The following EZH2 variants were observed in gnomAD, a reference collection of about 807,000 sequenced individuals.
EZH2 encodes the protein histone-lysine N-methyltransferase EZH2.
EZH2 carries 18 observed loss-of-function variants against 98.4 expected under a neutral mutation model. That is an observed-to-expected ratio of 0.18 (90% CI 0.13 to 0.27). The LOEUF is 0.27. Among genes scored for constraint, EZH2 ranks in the 10% least tolerant of loss-of-function variants. The probability of loss-of-function intolerance (pLI) is 1.00; values close to 1 mark genes in which losing one functional copy is unlikely to be tolerated. For synonymous variants in EZH2, 338 were observed against 312.3 expected (o/e 1.08, Z -0.87); for missense variants, 470 against 935.1 (o/e 0.50, Z 6.49).
At chr7:148,868,610 C>T (rs1369956580) in intron 1 of EZH2, among the ~76,000 whole-genome samples, 1 of 152,030 alleles carries the variant, frequency 6.6e-6, no homozygotes, top group Non-Finnish European at 1.5e-5. Context: ...ACTATATCAC[C>T]CTAGAACTTC....
Position 148,810,417 on chromosome 7 carries a change from A to G in EZH2, c.1948-3T>C, listed in dbSNP as rs753801515. ...TCAGCTTCATCTTGAGAAATAATCT[A>G]AAAAGAAAGACACAGGAGAAAATTC... On this transcript the variant is annotated splice_polypyrimidine_tract_variant and splice_region_variant and intron_variant, in intron 16 of 19. Transcript: ENST00000320356. 12 of 1,602,082 alleles carry G rather than the reference A, an allele frequency of 7.5e-6. No individual in the cohort carries two copies. Among genetic ancestry groups the G allele is most frequent in the Non-Finnish European group, 1.7e-6 (2 of 1,169,772 alleles).
At chr7:148,821,059 T>C (rs1805913876) in intron 8 of EZH2, 1 of 152,146 alleles carries the variant, frequency 6.6e-6, no homozygotes. Context: ...TTCTGGTTTT[T>C]ATCAGAAAGC....
chr7:148,818,953 A>C (rs1203383474), intron 9 of EZH2: 24 of 434,812 alleles, frequency 5.5e-5, no homozygotes, highest in Non-Finnish European at 1.0e-4. Context: ...TTCTACAAAA[A>C]CCAAATTGCT....
intron 1 of EZH2, among the ~76,000 whole-genome samples, chr7:148,853,049 T>C (rs1338405866): frequency 1.3e-5 from 2 of 152,188 alleles, no homozygotes; most frequent in Non-Finnish European, 2.9e-5. Flanking sequence ...AAGACAGTTT[T>C]TCCACAAAGA....
At chr7:148,872,222 T>C (rs2129492359) in intron 1 of EZH2, among the ~76,000 whole-genome samples, 1 of 152,220 alleles carries the variant, frequency 6.6e-6, no homozygotes, top group East Asian at 1.9e-4. Context: ...CTAAGCAAAA[T>C]AAGCTAATCA....
chr7:148,826,688 A>C lies in EZH2; in HGVS notation c.729-56T>G, dbSNP rs966594110. Reference sequence around the variant, plus strand: ...CATGAAACAAAAATCACTTTTTTGAAAACAGTTTCTAAAAGGTTTCCATGT... The same window carrying C: ...CATGAAACAAAAATCACTTTTTTGACAACAGTTTCTAAAAGGTTTCCATGT... On this transcript the variant is annotated intron_variant, in intron 7 of 19. Transcript: ENST00000320356. 1.9e-5 allele frequency: 26 copies of C among 1,373,364 alleles called. No individual in the cohort carries two copies. In the African/African-American group the frequency reaches 3.3e-4, roughly 18 times the overall value. 85.1% of individuals were successfully genotyped at this position (1,373,364 alleles called of 1,614,324 possible).
intron 8 of EZH2, among the ~76,000 whole-genome samples, chr7:148,826,065 C>T (rs867353995): frequency 6.6e-5 from 10 of 152,052 alleles, no homozygotes; most frequent in Non-Finnish European, 1.2e-4. Flanking sequence ...TACATTAAAT[C>T]GACAAGCACT....
rs1465164879 is a variant in EZH2, at chr7:148,829,964, AAAT to A, written c.364-119_364-117del. The A allele has an allele frequency of 1.2e-5, 8 of 665,336 alleles. No individual in the cohort carries two copies. The East Asian group carries it at 2.6e-4, about 22-fold the overall frequency. 41.2% of individuals were successfully genotyped at this position (665,336 alleles called of 1,614,324 possible). ...GTCTTTACCCAGTTCTCCAGATTTA[AAAT>A]ACTAGTCAGAGAGCAAACTCTAAAA... On this transcript the variant is annotated intron_variant, in intron 4 of 19. Transcript: ENST00000320356.
At chr7:148,866,362 A>G (rs1194785996) in intron 1 of EZH2, among the ~76,000 whole-genome samples, 1 of 151,760 alleles carries the variant, frequency 6.6e-6, no homozygotes. Flanking sequence ...CCCTTATACA[A>G]GAGTCTGACT....
chr7:148,811,494 C>G, intron 16 of EZH2, 131 bp downstream of exon 16: 1 of 694,016 alleles, frequency 1.4e-6, no homozygotes, highest in African/African-American at 1.8e-5. Flanking sequence ...ATGCAGAAGT[C>G]CAGGCTGAAA....
rs182524627 is a variant in EZH2 at position 148,822,088 on chromosome 7, T to C, written c.908-2401A>G. 1.9e-3 allele frequency among the ~76,000 whole-genome samples: 285 copies of C among 152,322 alleles called. 1 individual carries two copies. The highest frequency in any genetic ancestry group is 6.5e-3 in the African/African-American group (270 of 41,570). ...GATCAGATTTATAATCCACATCATA[T>C]TAAATTCCAAATGGATCAAAGATTT... On this transcript the variant is annotated intron_variant, in intron 8 of 19. Coordinates refer to ENST00000320356, the MANE Select transcript of EZH2 (RefSeq NM_004456.5).
intron 17 of EZH2, 31 bp from the exon 18 acceptor site, chr7:148,809,421 G>C: frequency 6.5e-7 from 1 of 1,532,960 alleles, no homozygotes; most frequent in Non-Finnish European, 9.0e-7. Flanking sequence ...ACAGCCCAGT[G>C]AATAATTTCA....
chr7:148,822,567 A>C (rs982202519), intron 8 of EZH2, among the ~76,000 whole-genome samples: 6 of 152,048 alleles, frequency 3.9e-5, no homozygotes, highest in African/African-American at 1.4e-4. Context: ...ACTTGAAAAA[A>C]ATTGCAACTC....
At chr7:148,835,142 G>A (rs1810535474) in intron 3 of EZH2, among the ~76,000 whole-genome samples, 1 of 152,146 alleles carries the variant, frequency 6.6e-6, no homozygotes, top group African/African-American at 2.4e-5. Flanking sequence ...AGACATGGCT[G>A]GGCACAGTGG....
chr7:148,877,960 C>G (rs1015198550), intron 1 of EZH2, among the ~76,000 whole-genome samples: 1 of 152,014 alleles, frequency 6.6e-6, no homozygotes, highest in African/African-American at 2.4e-5. Flanking sequence ...ATGCAAATTC[C>G]CAGCTGAATA....
intron 15 of EZH2, among the ~76,000 whole-genome samples, chr7:148,813,052 T>TACACACACACACACACAC (rs142835355): frequency 7.6e-6 from 1 of 132,108 alleles, no homozygotes; most frequent in Admixed American, 7.6e-5. Flanking sequence ...ACACCCCACA[T>TACACACACACACACACAC]ACACACACAC....
chr7:148,857,991 TA>T (rs573926320), intron 1 of EZH2, among the ~76,000 whole-genome samples: 3,295 of 144,610 alleles, frequency 0.023, 141 homozygotes, highest in African/African-American at 0.078. Flanking sequence ...AACATAGGAT[TA>T]AAAAAAAAAA....
chr7:148,831,364 T>C (rs1809340282), intron 4 of EZH2, among the ~76,000 whole-genome samples: 1 of 151,832 alleles, frequency 6.6e-6, no homozygotes, highest in African/African-American at 2.4e-5. Flanking sequence ...AAACTAGGGG[T>C]TGATTTCTTT....
At chr7:148,879,158 G>C (rs1291673082) in intron 1 of EZH2, among the ~76,000 whole-genome samples, 1 of 152,000 alleles carries the variant, frequency 6.6e-6, no homozygotes, top group East Asian at 1.9e-4. Flanking sequence ...CCAGGAGGCA[G>C]AGGTTGCAGT....
Sources: gnomAD v4.1 joint callset for allele counts (sites outside exome capture counted in the v4.1 genomes callset) on GRCh38, gnomAD v4.1.1 for gene constraint, MANE v1.5 for transcripts, NCBI Gene and HGNC (gene_info 2026-07-23, HGNC 2026-07-21) for gene names.